SRGAP1: variants seen among roughly 807,000 people sequenced by gnomAD.
SRGAP1 encodes the protein SLIT-ROBO Rho GTPase activating protein 1.
Under a neutral mutation model 121.9 loss-of-function variants are expected in SRGAP1, and 43 were observed. The ratio of observed to expected loss-of-function variants is 0.35; its 90% CI spans 0.28 to 0.46. The LOEUF is 0.46. Among genes scored for constraint, SRGAP1 ranks in the 20% least tolerant of loss-of-function variants. The pLI is 1.00. For synonymous variants in SRGAP1, 447 were observed against 485.4 expected (o/e 0.92, Z 1.04); for missense variants, 1,102 against 1,350.9 (o/e 0.82, Z 2.89).
rs145343251 is a variant in SRGAP1 at position 64,142,490 on chromosome 12, C to T, written c.3076C>T (p.Arg1026Cys). The change falls in exon 22 of 22, where the codon CGT (arginine) becomes TGT (cysteine). Residue 1026 changes from arginine (R) to cysteine (C), a missense_variant. Transcript: ENST00000355086. ...CAGGAGCTCCGAGCCTCAGATTCGA[C>T]GTAGCACGAGCTCCTCCAGTGACAC... ...ALRSSEPQIR[R>C]STSSSSDTMS... The T allele has an allele frequency of 3.9e-5, 63 of 1,614,038 alleles. 1 individual carries two copies. Among genetic ancestry groups the T allele is most frequent in the African/African-American group, 3.5e-4 (26 of 74,912 alleles).
chr12:63,867,909 C>A (rs1007988036), intron 1 of SRGAP1, among the ~76,000 whole-genome samples: 3 of 151,160 alleles, frequency 2.0e-5, no homozygotes, highest in Non-Finnish European at 4.4e-5. Context: ...AGAAGCTATG[C>A]TTTGCCCAAT....
chr12:63,845,043 C>T (rs1022601847), intron 1 of SRGAP1, among the ~76,000 whole-genome samples, 160 bp downstream of exon 1: 3 of 152,068 alleles, frequency 2.0e-5, no homozygotes, highest in African/African-American at 7.2e-5. Flanking sequence ...CCAGTTAGTT[C>T]CCAGTTGCAA....
At chr12:63,848,009 A>G (rs1033592918) in intron 1 of SRGAP1, among the ~76,000 whole-genome samples, 1 of 147,988 alleles carries the variant, frequency 6.8e-6, no homozygotes, top group African/African-American at 2.5e-5. Context: ...TTTTTATTTT[A>G]TATATATATA....
At chr12:63,872,411 C>G (rs1899885608) in intron 1 of SRGAP1, among the ~76,000 whole-genome samples, 1 of 152,210 alleles carries the variant, frequency 6.6e-6, no homozygotes, top group Non-Finnish European at 1.5e-5. Context: ...TACGACCCCA[C>G]ACTTGCCTGT....
intron 3 of SRGAP1, among the ~76,000 whole-genome samples, chr12:63,997,201 C>A (rs527746197): frequency 6.6e-6 from 1 of 152,224 alleles, no homozygotes; most frequent in Admixed American, 6.5e-5. Flanking sequence ...AAAAATGATA[C>A]ACCTGCATAG....
chr12:64,152,137 C>A lies in SRGAP1; in HGVS notation c.*9465C>A, dbSNP rs984538506. On this transcript the variant is annotated 3_prime_UTR_variant, in exon 22 of 22. Coordinates refer to ENST00000355086, the MANE Select transcript of SRGAP1 (RefSeq NM_020762.4). Reference sequence around the variant, plus strand: ...TGTACTGACATCGTTTTCCTCAACACGTTGCATGTCAATAGCCAACATGTA... The same window carrying A: ...TGTACTGACATCGTTTTCCTCAACAAGTTGCATGTCAATAGCCAACATGTA... 6.6e-6 allele frequency: 1 copy of A among 152,182 alleles called. No individual in the cohort carries two copies. The highest frequency in any genetic ancestry group is 1.5e-5 in the Non-Finnish European group (1 of 68,040). The allele number at this position is 152,182 out of a possible 1,614,324, so 9.4% of individuals were successfully genotyped here. A position where few individuals can be genotyped will look rare whatever the true frequency, so the allele number is the denominator to read the frequency against.
chr12:64,067,051 G>A (rs2035554166), intron 8 of SRGAP1, among the ~76,000 whole-genome samples: 1 of 151,866 alleles, frequency 6.6e-6, no homozygotes, highest in South Asian at 2.1e-4. Context: ...AAAAGGTCTG[G>A]CCACTCTGGC....
intron 3 of SRGAP1, among the ~76,000 whole-genome samples, chr12:64,009,060 A>G (rs1003287774): frequency 2.0e-5 from 3 of 152,140 alleles, no homozygotes; most frequent in South Asian, 2.1e-4. Flanking sequence ...TTACTAATAA[A>G]TTTGCAGGCT....
intron 1 of SRGAP1, chr12:63,983,473 T>A (rs966800728): frequency 2.0e-5 from 3 of 152,146 alleles, no homozygotes; most frequent in Non-Finnish European, 4.4e-5. Flanking sequence ...CTTGTTCTTT[T>A]AAAGGGTCAG....
Position 64,000,576 on chromosome 12 carries a change from G to A in SRGAP1, c.426+10504G>A, listed in dbSNP as rs181482975. 3.9e-5 allele frequency among the ~76,000 whole-genome samples: 6 copies of A among 152,262 alleles called. No individual in the cohort carries two copies. The East Asian group carries it at 1.2e-3, about 29-fold the overall frequency. Reference sequence around the variant, plus strand: ...TACAGTAAGCAATGAATACACCACTGCAGTCTGGCCTGGGCATCAGAGTGA... The same window carrying A: ...TACAGTAAGCAATGAATACACCACTACAGTCTGGCCTGGGCATCAGAGTGA... On this transcript the variant is annotated intron_variant, in intron 3 of 21. Transcript: ENST00000355086.
At chr12:64,053,027 T>C (rs2035267525) in intron 6 of SRGAP1, among the ~76,000 whole-genome samples, 2 of 152,234 alleles carry the variant, frequency 1.3e-5, no homozygotes, top group South Asian at 4.1e-4. Flanking sequence ...AATTAAATTA[T>C]AGTTATAAAT....
intron 1 of SRGAP1, among the ~76,000 whole-genome samples, chr12:63,973,138 G>T (rs543078337): frequency 2.6e-5 from 4 of 152,064 alleles, no homozygotes; most frequent in Admixed American, 2.0e-4. Context: ...ACAGAGTGAG[G>T]CTCCGTCTCA....
chr12:63,974,077 A>G (rs552177313), intron 1 of SRGAP1, among the ~76,000 whole-genome samples: 1 of 152,214 alleles, frequency 6.6e-6, no homozygotes, highest in South Asian at 2.1e-4. Context: ...ATTATGGGGA[A>G]GTTAATGAAA....
intron 17 of SRGAP1, among the ~76,000 whole-genome samples, chr12:64,113,237 G>A (rs944223397): frequency 6.6e-5 from 10 of 151,796 alleles, no homozygotes; most frequent in African/African-American, 1.2e-4. Context: ...GTGAAACCCC[G>A]TCTCTACTAA....
chr12:63,972,837 A>G (rs1413820032), intron 1 of SRGAP1, among the ~76,000 whole-genome samples: 2 of 152,066 alleles, frequency 1.3e-5, no homozygotes, highest in East Asian at 1.9e-4. Context: ...AATTTTGGAG[A>G]GTTCTTTTGG....
At chr12:63,967,444 A>G (rs776761871) in intron 1 of SRGAP1, among the ~76,000 whole-genome samples, 11 of 152,226 alleles carry the variant, frequency 7.2e-5, no homozygotes, top group Non-Finnish European at 1.6e-4. Context: ...CCTGTCTCAA[A>G]AAGCGCTTAA....
chr12:63,988,550 C>T (rs1010377735), intron 2 of SRGAP1, among the ~76,000 whole-genome samples: 11 of 152,156 alleles, frequency 7.2e-5, no homozygotes, highest in African/African-American at 2.2e-4. Context: ...TTCCTGCTTC[C>T]ATTGTCTACT....
intron 21 of SRGAP1, among the ~76,000 whole-genome samples, chr12:64,135,478 C>T (rs2136646682): frequency 6.6e-6 from 1 of 152,160 alleles, no homozygotes; most frequent in East Asian, 1.9e-4. Context: ...TCACTTTGTC[C>T]ACTGAACTTA....
At chr12:64,062,556 G>T (rs1183605320) in intron 6 of SRGAP1, among the ~76,000 whole-genome samples, 1 of 150,194 alleles carries the variant, frequency 6.7e-6, no homozygotes, top group Admixed American at 6.7e-5. Context: ...TTGCTCTGTA[G>T]CCCAAGCTGG....
Sources: allele counts gnomAD v4.1 joint callset (sites outside exome capture counted in the v4.1 genomes callset), GRCh38; gene constraint gnomAD v4.1.1; transcripts MANE v1.5; gene names NCBI Gene and HGNC (gene_info 2026-07-23, HGNC 2026-07-21).